The following KIAA0930 variants were observed in gnomAD, a reference collection of about 807,000 sequenced individuals.
The protein encoded by KIAA0930 is uncharacterized protein KIAA0930.
KIAA0930 carries 24 observed loss-of-function variants against 43.9 expected under a neutral mutation model. The observed-to-expected ratio is 0.55, with a 90% CI of 0.40 to 0.77. The LOEUF (loss-of-function observed/expected upper bound fraction) is 0.77. Ranked by LOEUF, KIAA0930 falls within the 30% of genes least tolerant of loss-of-function variation. The pLI is 0.00. For missense variants in KIAA0930, 461 were observed against 574.2 expected (o/e 0.80, Z 2.02); for synonymous variants, 259 against 216.4 (o/e 1.20, Z -1.73).
chr22:45,200,497 A>AC (rs1420455998), intron 7 of KIAA0930, among the ~76,000 whole-genome samples: 3 of 152,070 alleles, frequency 2.0e-5, no homozygotes, highest in African/African-American at 7.2e-5. Flanking sequence ...GCCTGTGGTC[A>AC]CCAAGCAGGA....
chr22:45,222,854 A>G (rs1200794136), intron 1 of KIAA0930, among the ~76,000 whole-genome samples: 1 of 152,220 alleles, frequency 6.6e-6, no homozygotes, highest in East Asian at 1.9e-4. Flanking sequence ...TGACACAATT[A>G]GAGAAATGTA....
chr22:45,209,124 CCCT>C (rs1469721968), intron 2 of KIAA0930, among the ~76,000 whole-genome samples: 3 of 152,238 alleles, frequency 2.0e-5, no homozygotes, highest in Admixed American at 2.0e-4. Context: ...CATCCTGTCC[CCCT>C]GACACTGCAG....
At chr22:45,200,235 C>A in intron 7 of KIAA0930, 200 bp from the exon 8 acceptor site, 1 of 474,766 alleles carries the variant, frequency 2.1e-6, no homozygotes, top group Non-Finnish European at 3.6e-6. Flanking sequence ...CAGGGGCCAG[C>A]AGGACACCTG....
chr22:45,236,585 C>T (rs1004382662), intron 1 of KIAA0930, among the ~76,000 whole-genome samples: 14 of 152,248 alleles, frequency 9.2e-5, no homozygotes, highest in African/African-American at 3.4e-4. Flanking sequence ...CAGGCTGCCA[C>T]ACAACCTGGA....
chr22:45,222,626 A>C, intron 1 of KIAA0930, among the ~76,000 whole-genome samples: 1 of 119,360 alleles, frequency 8.4e-6, no homozygotes, highest in East Asian at 3.5e-4. Flanking sequence ...AAAAATTTCT[A>C]TAGGGGAAAA....
intron 5 of KIAA0930, 47 bp from the exon 6 acceptor site, chr22:45,204,032 C>A: frequency 6.2e-7 from 1 of 1,610,530 alleles, no homozygotes; most frequent in Non-Finnish European, 8.5e-7. Flanking sequence ...CAGCTCCCAC[C>A]GCCCACACCA....
At position 45,205,823 on chromosome 22, in the gene KIAA0930, C is replaced by A; in HGVS notation, c.306G>T (p.Glu102Asp). The change falls in exon 3 of 10, where the codon GAG (glutamate) becomes GAT (aspartate). Residue 102 changes from glutamate to aspartate, a missense_variant. Glu to Asp is a conservative substitution (Grantham distance 45, BLOSUM62 2). Coordinates refer to ENST00000336156, the MANE Select transcript of KIAA0930 (RefSeq NM_001009880.2). ...GCAGGATGAGATTCAGGCAGACGCTCTCCTCCCAGTCGATGTCAGGGTCTC... is the reference window on the plus strand; with the variant it reads ...GCAGGATGAGATTCAGGCAGACGCTATCCTCCCAGTCGATGTCAGGGTCTC... ...GLGDPDIDWE[E>D]SVCLNLILQK... The A allele has an allele frequency of 6.2e-7, 1 of 1,609,616 alleles. No homozygotes were observed. Among genetic ancestry groups the A allele is most frequent in the Non-Finnish European group, 8.5e-7 (1 of 1,178,334 alleles).
chr22:45,222,923 GACAACACTTC>G (rs2083776081), intron 1 of KIAA0930, among the ~76,000 whole-genome samples: 2 of 152,102 alleles, frequency 1.3e-5, no homozygotes, highest in Non-Finnish European at 1.5e-5. Flanking sequence ...CAAAATACCT[GACAACACTTC>G]AGGTCAAAGA....
At chr22:45,202,143 GACT>G (rs2083594487) in intron 7 of KIAA0930, among the ~76,000 whole-genome samples, 1 of 152,254 alleles carries the variant, frequency 6.6e-6, no homozygotes, top group African/African-American at 2.4e-5. Context: ...GGCTGGGCAA[GACT>G]GCCCCTGGAC....
intron 2 of KIAA0930, chr22:45,211,330 G>T (rs1188291214): frequency 2.5e-6 from 1 of 398,464 alleles, no homozygotes; most frequent in Non-Finnish European, 4.4e-6. Flanking sequence ...AAACAGAGAA[G>T]GAAGCATGCA....
In KIAA0930 at chr22:45,225,274, G is replaced by A. The variant is rs142396679; in HGVS notation, c.65-13167C>T. Among the ~76,000 whole-genome samples, 336 of 152,118 alleles carry A rather than the reference G, an allele frequency of 2.2e-3. 1 individual carries two copies. The Middle Eastern group carries it at 0.024, about 11-fold the overall frequency. ...CTCCCTCGGGGCACAGAAAACAAAG[G>A]CACTGTCCAGGGAGGCCCCTGGCTG... On this transcript the variant is annotated intron_variant, in intron 1 of 9. Coordinates refer to ENST00000336156, the MANE Select transcript of KIAA0930 (RefSeq NM_001009880.2).
chr22:45,228,876 G>A (rs200850434), intron 1 of KIAA0930, among the ~76,000 whole-genome samples: 1 of 22,834 alleles, frequency 4.4e-5, no homozygotes, highest in Non-Finnish European at 6.8e-5. Context: ...CCACTCACCC[G>A]AAAGATCCCT....
rs984385850 is a variant in KIAA0930, at chr22:45,221,483, A to G, written c.65-9376T>C. Among the ~76,000 whole-genome samples, 4 of 152,226 alleles carry G rather than the reference A, an allele frequency of 2.6e-5. No homozygotes were observed. The South Asian group carries it at 8.3e-4, about 31-fold the overall frequency. On this transcript the variant is annotated intron_variant, in intron 1 of 9. Coordinates refer to ENST00000336156, the MANE Select transcript of KIAA0930 (RefSeq NM_001009880.2). ...CCTACCAAAGCTGATGTATGTTTTC[A>G]CGCAGATGCCCTACCAGAACTTAAG... is the stretch of plus-strand genomic sequence containing the variant.
chr22:45,209,320 AG>A (rs66491238), intron 2 of KIAA0930, among the ~76,000 whole-genome samples: 64,574 of 151,734 alleles, frequency 0.43, 15,099 homozygotes, highest in African/African-American at 0.63. Context: ...GGCTTTTGCC[AG>A]GGGGGGTCTC....
At position 45,215,958 on chromosome 22, in the gene KIAA0930, G is replaced by A. The variant is rs1270203945; in HGVS notation, c.65-3851C>T. Among the ~76,000 whole-genome samples the A allele has an allele frequency of 8.5e-5, 13 of 152,246 alleles. No homozygotes were observed. The East Asian group carries it at 2.5e-3, about 29-fold the overall frequency. The stretch of plus-strand genomic sequence containing the variant: ...CAGGAGAATGGCGTGAACCCGGGAG[G>A]CGGAGCCTGCAGTGAGCCGAGATCG... On this transcript the variant is annotated intron_variant, in intron 1 of 9. Transcript: ENST00000336156.
chr22:45,214,225 C>G (rs1051956373), intron 1 of KIAA0930, among the ~76,000 whole-genome samples: 1 of 152,106 alleles, frequency 6.6e-6, no homozygotes, highest in East Asian at 1.9e-4. Flanking sequence ...CTGCCAGATT[C>G]TCACAGAGTT....
At chr22:45,209,587 C>A (rs2083674506) in intron 2 of KIAA0930, among the ~76,000 whole-genome samples, 1 of 152,194 alleles carries the variant, frequency 6.6e-6, no homozygotes, top group East Asian at 1.9e-4. Context: ...AACCCGCCCG[C>A]CAGATGTCAC....
At chr22:45,233,185 C>T (rs5766573) in intron 1 of KIAA0930, among the ~76,000 whole-genome samples, 57,918 of 151,846 alleles carry the variant, frequency 0.38, 12,224 homozygotes, top group South Asian at 0.5. Context: ...ACAGAGGGAA[C>T]GAATGAATTA....
At chr22:45,211,457 C>T (rs1480114748) in intron 2 of KIAA0930, 1 of 400,882 alleles carries the variant, frequency 2.5e-6, no homozygotes, top group East Asian at 3.6e-5. Context: ...AGAACACCCA[C>T]CCTGTCGAGT....
Sources: allele counts gnomAD v4.1 joint callset (sites outside exome capture counted in the v4.1 genomes callset), GRCh38; gene constraint gnomAD v4.1.1; transcripts MANE v1.5; gene names NCBI Gene and HGNC (gene_info 2026-07-23, HGNC 2026-07-21).